The following KCNQ1OT1 variants were observed in gnomAD, a reference collection of about 807,000 sequenced individuals.
The protein encoded by KCNQ1OT1 is KCNQ1 opposite strand/antisense transcript 1.
chr11:2,671,225 G>A lies in KCNQ1OT1; in HGVS notation n.28770C>T, dbSNP rs780143283. 1.8e-5 allele frequency: 7 copies of A among 398,502 alleles called. No individual in the cohort carries two copies. The allele number at this position is 398,502 out of a possible 1,614,324, so 24.7% of individuals were successfully genotyped here. ...AAGGTAGAGAGACAGAGGTAGACAG[G>A]AGTCCAGGTCTGACCTCAAAATCCG... On this transcript the variant is annotated non_coding_transcript_exon_variant, in exon 1 of 1. Transcript: ENST00000597346. The surrounding 1 kb of genome is among the most constrained non-coding windows in gnomAD (Gnocchi z 4.7).
At position 2,668,310 on chromosome 11, in the gene KCNQ1OT1, G is replaced by A; in HGVS notation, n.31685C>T. 2.5e-6 allele frequency: 1 copy of A among 398,516 alleles called. No homozygotes were observed. The highest frequency in any genetic ancestry group is 4.4e-6 in the Non-Finnish European group (1 of 226,060). The allele number at this position is 398,516 out of a possible 1,614,324, so 24.7% of individuals were successfully genotyped here. On this transcript the variant is annotated non_coding_transcript_exon_variant, in exon 1 of 1. Transcript: ENST00000597346. The surrounding 1 kb of genome is among the most constrained non-coding windows in gnomAD (Gnocchi z 4.3). ...GGTGAGCATCAGGTTGCGTTTCTGG[G>A]GAATATATGCCTATGTGTGGAGCTG...
chr11:2,626,077 G>C lies in KCNQ1OT1; in HGVS notation n.73918C>G, dbSNP rs973514763. 6.3e-5 allele frequency: 25 copies of C among 398,464 alleles called. No homozygotes were observed. The highest frequency in any genetic ancestry group is 1.8e-5 in the Non-Finnish European group (4 of 226,052). The allele number at this position is 398,464 out of a possible 1,614,324, so 24.7% of individuals were successfully genotyped here. Reference sequence around the variant, plus strand: ...AGTTTTACTTTTATTGCCTGTGCAAGTACAATTTATCTATTTTTACTTTTA... The same window carrying C: ...AGTTTTACTTTTATTGCCTGTGCAACTACAATTTATCTATTTTTACTTTTA... On this transcript the variant is annotated non_coding_transcript_exon_variant, in exon 1 of 1. Coordinates refer to ENST00000597346, the Ensembl canonical transcript of KCNQ1OT1. The surrounding 1 kb of genome is among the most constrained non-coding windows in gnomAD (Gnocchi z 4.0).
exon 1 of KCNQ1OT1, chr11:2,644,428 G>T (rs182140821): frequency 2.4e-4 from 95 of 398,180 alleles, no homozygotes; most frequent in African/African-American, 1.8e-3. Flanking sequence ...TATCTGTTTG[G>T]TTCTTTTTAT....
In KCNQ1OT1 at chr11:2,690,959, G is replaced by A; in HGVS notation, n.9036C>T. ...CTGAAAGGTTCATTTGGGAGTCACGGGTATGTGTCAACAAAAGCCCACCAG... is the reference window on the plus strand; with the variant it reads ...CTGAAAGGTTCATTTGGGAGTCACGAGTATGTGTCAACAAAAGCCCACCAG... On this transcript the variant is annotated non_coding_transcript_exon_variant, in exon 1 of 1. Coordinates refer to ENST00000597346, the Ensembl canonical transcript of KCNQ1OT1. This position sits in a 1 kb window ranked among gnomAD's most constrained non-coding sequence, Gnocchi z 5.1. 2.5e-6 allele frequency: 1 copy of A among 398,626 alleles called. No homozygotes were observed. Among genetic ancestry groups the A allele is most frequent in the Non-Finnish European group, 4.4e-6 (1 of 226,080 alleles). The allele number at this position is 398,626 out of a possible 1,614,324, so 24.7% of individuals were successfully genotyped here. A position where few individuals can be genotyped will look rare whatever the true frequency, so the allele number is the denominator to read the frequency against.
In KCNQ1OT1 at chr11:2,651,272, T is replaced by G. The variant is rs1849752617; in HGVS notation, n.48723A>C. ...GAATTAAGCTGTGCTGGTCACTTAT[T>G]GAGAAAGAGCTTCATGGTGGGCAGC... On this transcript the variant is annotated non_coding_transcript_exon_variant, in exon 1 of 1. Transcript: ENST00000597346. This position sits in a 1 kb window ranked among gnomAD's most constrained non-coding sequence, Gnocchi z 6.1. The G allele has an allele frequency of 2.5e-6, 1 of 398,684 alleles. No homozygotes were observed. 24.7% of individuals were successfully genotyped at this position (398,684 alleles called of 1,614,324 possible).
chr11:2,662,255 C>G, exon 1 of KCNQ1OT1: 1 of 730,236 alleles, frequency 1.4e-6, no homozygotes, highest in Non-Finnish European at 2.3e-6. Context: ...GAGAGGAGAG[C>G]AAGGGCACTT....
exon 1 of KCNQ1OT1, chr11:2,616,300 T>C (rs1392662999): frequency 5.0e-6 from 2 of 397,924 alleles, no homozygotes; most frequent in Non-Finnish European, 8.9e-6. Context: ...TTAGTCATTC[T>C]AGTTAAAGGT....
exon 1 of KCNQ1OT1, chr11:2,689,736 G>GTC (rs1173039172): frequency 2.5e-6 from 1 of 398,688 alleles, no homozygotes; most frequent in Non-Finnish European, 4.4e-6. Flanking sequence ...CAGAGACTTA[G>GTC]TCTCATTTGT....
At chr11:2,609,447 C>G (rs970849104) in exon 1 of KCNQ1OT1, 3 of 398,238 alleles carry the variant, frequency 7.5e-6, no homozygotes, top group African/African-American at 6.2e-5. Context: ...AGCATATGGT[C>G]CTTCTTGGAG....
At position 2,657,930 on chromosome 11, in the gene KCNQ1OT1, C is replaced by T. The variant is rs1564847573; in HGVS notation, n.42065G>A. On this transcript the variant is annotated non_coding_transcript_exon_variant, in exon 1 of 1. Transcript: ENST00000597346. The surrounding 1 kb of genome is among the most constrained non-coding windows in gnomAD (Gnocchi z 4.8). ...GGAACATGACATCAACATGGTTTAT[C>T]ACTGGTAATATTAACCTTGAGCCAC... 1 of 398,582 alleles carries T rather than the reference C, an allele frequency of 2.5e-6. No homozygotes were observed. Among genetic ancestry groups the T allele is most frequent in the East Asian group, 3.6e-5 (1 of 28,082 alleles). 24.7% of individuals were successfully genotyped at this position (398,582 alleles called of 1,614,324 possible). A position where few individuals can be genotyped will look rare whatever the true frequency, so the allele number is the denominator to read the frequency against.
chr11:2,645,085 G>C lies in KCNQ1OT1; in HGVS notation n.54910C>G. 2.5e-6 allele frequency: 1 copy of C among 398,644 alleles called. No individual in the cohort carries two copies. Among genetic ancestry groups the C allele is most frequent in the Non-Finnish European group, 4.4e-6 (1 of 226,134 alleles). 24.7% of individuals were successfully genotyped at this position (398,644 alleles called of 1,614,324 possible). A position where few individuals can be genotyped will look rare whatever the true frequency, so the allele number is the denominator to read the frequency against. Reference sequence around the variant, plus strand: ...CAGAGCTGGGCCACAGGGTGGGTAGGTCCTTGAGCTCTGAGCAGCAGATAT... The same window carrying C: ...CAGAGCTGGGCCACAGGGTGGGTAGCTCCTTGAGCTCTGAGCAGCAGATAT... On this transcript the variant is annotated non_coding_transcript_exon_variant, in exon 1 of 1. Coordinates refer to ENST00000597346, the Ensembl canonical transcript of KCNQ1OT1. This position sits in a 1 kb window ranked among gnomAD's most constrained non-coding sequence, Gnocchi z 5.8.
At chr11:2,625,361 T>C in exon 1 of KCNQ1OT1, 1 of 398,518 alleles carries the variant, frequency 2.5e-6, no homozygotes, top group East Asian at 3.6e-5. Flanking sequence ...GCTTAGGCTA[T>C]CCTCCCACCT....
rs1849238657 is a variant in KCNQ1OT1 at position 2,624,856 on chromosome 11, G to A, written n.75139C>T. 2.5e-6 allele frequency: 1 copy of A among 398,416 alleles called. No individual in the cohort carries two copies. The highest frequency in any genetic ancestry group is 4.4e-6 in the Non-Finnish European group (1 of 226,034). 24.7% of individuals were successfully genotyped at this position (398,416 alleles called of 1,614,324 possible). On this transcript the variant is annotated non_coding_transcript_exon_variant, in exon 1 of 1. Transcript: ENST00000597346. This position sits in a 1 kb window ranked among gnomAD's most constrained non-coding sequence, Gnocchi z 4.9. The stretch of plus-strand genomic sequence containing the variant: ...ATACAGTACTTCTCTTCTTGTGACT[G>A]CTGTATTTCATTTAACATAATGGCC...
At chr11:2,681,762 G>A (rs1850402239) in exon 1 of KCNQ1OT1, 2 of 398,430 alleles carry the variant, frequency 5.0e-6, no homozygotes, top group East Asian at 7.1e-5. Flanking sequence ...CACTGTGGGG[G>A]CCCTGGGACC....
exon 1 of KCNQ1OT1, chr11:2,619,362 C>T: frequency 2.5e-6 from 1 of 398,504 alleles, no homozygotes; most frequent in East Asian, 3.6e-5. Flanking sequence ...TATACCTGAA[C>T]TGTTAGAATT....
chr11:2,637,937 T>G (rs2133824880), exon 1 of KCNQ1OT1: 1 of 152,220 alleles, frequency 6.6e-6, no homozygotes. Flanking sequence ...CATTATGTAA[T>G]GACCTTGTCT....
At chr11:2,625,521 G>A (rs776381575) in exon 1 of KCNQ1OT1, 9 of 397,400 alleles carry the variant, frequency 2.3e-5, no homozygotes, top group African/African-American at 6.2e-5. Context: ...AACTTTTCAC[G>A]TACTATTATC....
exon 1 of KCNQ1OT1, chr11:2,637,567 G>A (rs1304531176): frequency 6.6e-6 from 1 of 152,166 alleles, no homozygotes; most frequent in Non-Finnish European, 1.5e-5. Context: ...TATAGTTTCT[G>A]TTCTTTTACA....
exon 1 of KCNQ1OT1, chr11:2,636,534 C>T (rs1218969463): frequency 6.6e-6 from 1 of 152,132 alleles, no homozygotes; most frequent in African/African-American, 2.4e-5. Flanking sequence ...AGGGATGAAG[C>T]CCACTTGATC....
Sources: gnomAD v4.1 joint callset for allele counts on GRCh38, gnomAD v4.1.1 for gene constraint, Gnocchi (gnomAD v3.1) non-coding constraint, MANE v1.5 for transcripts, NCBI Gene and HGNC (gene_info 2026-07-23, HGNC 2026-07-21) for gene names.